IPP: variants seen among roughly 807,000 people sequenced by gnomAD.
IPP encodes the protein actin-binding protein IPP.
IPP carries 41 observed loss-of-function variants against 64.1 expected under a neutral mutation model. The observed-to-expected ratio is 0.64, with a 90% CI of 0.50 to 0.83. IPP has a LOEUF of 0.83. IPP is among the 40% of genes least tolerant of loss of function. The pLI is 0.00. For synonymous variants in IPP, 214 were observed against 235.2 expected (o/e 0.91, Z 0.83); for missense variants, 649 against 703.0 (o/e 0.92, Z 0.87).
chr1:45,729,191 C>T (rs1645873194), intron 4 of IPP, among the ~76,000 whole-genome samples: 1 of 150,674 alleles, frequency 6.6e-6, no homozygotes, highest in Non-Finnish European at 1.5e-5. Context: ...CTCTGATATT[C>T]CTATGGATCA....
chr1:45,717,129 C>A, intron 6 of IPP, 112 bp from the exon 7 acceptor site: 1 of 911,782 alleles, frequency 1.1e-6, no homozygotes, highest in Non-Finnish European at 1.6e-6. Flanking sequence ...TCACATGAGC[C>A]AAAGAGGTTA....
At chr1:45,707,481 A>T (rs977876736) in intron 8 of IPP, among the ~76,000 whole-genome samples, 1 of 151,040 alleles carries the variant, frequency 6.6e-6, no homozygotes, top group African/African-American at 2.4e-5. Flanking sequence ...TTGTTTGGGG[A>T]GCTAAAGGAA....
rs1354975648 is a variant in IPP at position 45,748,791 on chromosome 1, G to A, written c.-51+1806C>T. 5.9e-5 allele frequency among the ~76,000 whole-genome samples: 9 copies of A among 152,110 alleles called. No individual in the cohort carries two copies. In the East Asian group the frequency reaches 1.5e-3, roughly 26 times the overall value. ...GTTCAGGACCAGCCTGGCCAACATG[G>A]TGACCCCATCTCTACTAAAAAATAC... On this transcript the variant is annotated intron_variant, in intron 1 of 8. Transcript: ENST00000396478.
chr1:45,741,079 C>A lies in IPP; in HGVS notation c.546G>T (p.Gln182His), dbSNP rs372385604. 5 of 1,614,018 alleles carry A rather than the reference C, an allele frequency of 3.1e-6. No homozygotes were observed. The African/African-American group carries it at 5.3e-5, about 17-fold the overall frequency. ...GEEFLALTKD[Q>H]LIKILRSEEL... Reference sequence around the variant, plus strand: ...CTTCACTTCGCAAAATTTTGATCAGCTGATCTTTCGTAAGTGCCAGGAACT... The same window carrying A: ...CTTCACTTCGCAAAATTTTGATCAGATGATCTTTCGTAAGTGCCAGGAACT... Residue 182 changes from glutamine to histidine, a missense_variant, in exon 3 of 9, where the codon CAG becomes CAT. Physicochemically the swap from Gln to His is conservative, Grantham distance 24. Transcript: ENST00000396478.
chr1:45,738,856 A>AAAAACAAAAG, intron 3 of IPP, among the ~76,000 whole-genome samples: 1 of 150,448 alleles, frequency 6.6e-6, no homozygotes, highest in Non-Finnish European at 1.5e-5. Context: ...AAAAAAAAAA[A>AAAAACAAAAG]AAAAAAAAAC....
downstream of IPP, chr1:45,694,672 T>C: frequency 1.8e-6 from 1 of 563,894 alleles, no homozygotes; most frequent in South Asian, 2.4e-5. Flanking sequence ...GAAAGCCACA[T>C]TCAAAGGTAA....
intron 5 of IPP, 47 bp downstream of exon 5, chr1:45,727,584 T>C (rs748612752): frequency 8.3e-7 from 1 of 1,202,750 alleles, no homozygotes; most frequent in Non-Finnish European, 1.1e-6. Flanking sequence ...CATATTAGAA[T>C]ATAGCCAACA....
Position 45,720,662 on chromosome 1 carries a change from C to G in IPP, c.1049-1322G>C, listed in dbSNP as rs186191211. On this transcript the variant is annotated intron_variant, in intron 5 of 8. Transcript: ENST00000396478. ...TAATTAAGAAAGGGATAGACAGAGA[C>G]TAATGGAACAGAAAAGAAATTCTAG... 3.2e-3 allele frequency among the ~76,000 whole-genome samples: 483 copies of G among 152,062 alleles called. 3 individuals carry two copies. The highest frequency in any genetic ancestry group is 0.011 in the African/African-American group (465 of 41,474).
chr1:45,696,205 GCTT>G (rs1327642483), downstream of IPP, among the ~76,000 whole-genome samples: 1 of 152,150 alleles, frequency 6.6e-6, no homozygotes, highest in Non-Finnish European at 1.5e-5. Context: ...TACAGTGTAT[GCTT>G]CTTTAAGAAA....
At position 45,741,187 on chromosome 1, in the gene IPP, A is replaced by G; in HGVS notation, c.438T>C (p.Ser146=). 1.2e-6 allele frequency: 2 copies of G among 1,614,214 alleles called. No homozygotes were observed. The highest frequency in any genetic ancestry group is 1.1e-5 in the South Asian group (1 of 91,088). Residue 146 remains serine, a synonymous_variant, in exon 3 of 9, where the codon TCT becomes TCC. Coordinates refer to ENST00000396478, the MANE Select transcript of IPP (RefSeq NM_005897.3). ...PLNCIGIFQF[S]EQIACHDLLE... is the part of the protein sequence containing the mutation. The stretch of plus-strand genomic sequence containing the variant: ...AGAGATCATGGCAGGCAATTTGCTC[A>G]GAGAACTGAAAAATTCCAATGCAGT...
intron 8 of IPP, among the ~76,000 whole-genome samples, chr1:45,712,878 A>AAAAAATATATATATATATAT (rs1553189324): frequency 7.2e-6 from 1 of 138,640 alleles, no homozygotes; most frequent in South Asian, 2.2e-4. Context: ...AAAAAAAAAA[A>AAAAAATATATATATATATAT]ATATATATAT....
intron 5 of IPP, among the ~76,000 whole-genome samples, chr1:45,722,642 TAG>T (rs1231944256): frequency 3.3e-5 from 5 of 152,078 alleles, no homozygotes; most frequent in African/African-American, 1.2e-4. Context: ...AAGTTAAATA[TAG>T]AGTTACCATA....
At chr1:45,744,124 A>T (rs1165256357) in intron 2 of IPP, among the ~76,000 whole-genome samples, 1 of 152,104 alleles carries the variant, frequency 6.6e-6, no homozygotes, top group East Asian at 1.9e-4. Context: ...ACATTGTATT[A>T]ACACTGTAGT....
At chr1:45,723,762 T>C (rs1024517404) in intron 5 of IPP, among the ~76,000 whole-genome samples, 2 of 151,966 alleles carry the variant, frequency 1.3e-5, no homozygotes, top group African/African-American at 4.8e-5. Context: ...AGTACCACAG[T>C]CAGAAAATAT....
intron 5 of IPP, among the ~76,000 whole-genome samples, chr1:45,719,968 C>T (rs1021052205): frequency 5.3e-5 from 8 of 152,104 alleles, no homozygotes; most frequent in African/African-American, 1.7e-4. Flanking sequence ...GTGATCCGCC[C>T]GCCTCAGCCT....
chr1:45,720,020 C>A (rs934100707), intron 5 of IPP, among the ~76,000 whole-genome samples: 1 of 151,918 alleles, frequency 6.6e-6, no homozygotes, highest in African/African-American at 2.4e-5. Context: ...CCGCACCCAG[C>A]CTGAAAATGA....
chr1:45,746,702 AAC>A (rs2148586268), intron 1 of IPP, among the ~76,000 whole-genome samples: 1 of 152,312 alleles, frequency 6.6e-6, no homozygotes, highest in Non-Finnish European at 1.5e-5. Flanking sequence ...CTGAAAGATA[AAC>A]AGTTAATATT....
At chr1:45,728,173 T>TGTGTGTGTGTG (rs1645858765) in intron 4 of IPP, among the ~76,000 whole-genome samples, 1 of 142,316 alleles carries the variant, frequency 7.0e-6, no homozygotes, top group African/African-American at 2.7e-5. Flanking sequence ...TGTGTGTGTG[T>TGTGTGTGTGTG]TTGAGGCAGG....
chr1:45,716,520 C>T (rs145472408), intron 7 of IPP, among the ~76,000 whole-genome samples: 3,018 of 152,324 alleles, frequency 0.02, 43 homozygotes, highest in Non-Finnish European at 0.034. Context: ...GCTGGGATTA[C>T]AGGCATGAGC....
Sources: gnomAD v4.1 joint callset for allele counts (sites outside exome capture counted in the v4.1 genomes callset) on GRCh38, gnomAD v4.1.1 for gene constraint, MANE v1.5 for transcripts, NCBI Gene and HGNC (gene_info 2026-07-23, HGNC 2026-07-21) for gene names.